The following GRIK2 variants were observed in gnomAD, a reference collection of about 807,000 sequenced individuals.
GRIK2 encodes glutamate receptor ionotropic, kainate 2.
GRIK2 carries 32 observed loss-of-function variants against 100.3 expected under a neutral mutation model. The ratio of observed to expected loss-of-function variants is 0.32; its 90% CI spans 0.24 to 0.43. The LOEUF (loss-of-function observed/expected upper bound fraction) is 0.43. Ranked by LOEUF, GRIK2 falls within the 20% of genes least tolerant of loss-of-function variation. The pLI is 1.00. For synonymous variants in GRIK2, 417 were observed against 389.4 expected (o/e 1.07, Z -0.83); for missense variants, 843 against 1,114.9 (o/e 0.76, Z 3.47).
intron 4 of GRIK2, among the ~76,000 whole-genome samples, chr6:101,661,209 G>A (rs1342591890): frequency 6.6e-6 from 1 of 152,148 alleles, no homozygotes; most frequent in Non-Finnish European, 1.5e-5. Flanking sequence ...TCTGGCCACT[G>A]TGGCTTTGCT....
intron 9 of GRIK2, among the ~76,000 whole-genome samples, chr6:101,805,394 C>T (rs190635614): frequency 1.2e-3 from 184 of 151,596 alleles, no homozygotes; most frequent in Admixed American, 4.0e-3. Flanking sequence ...TAAAAGAACC[C>T]GGAAGTACCA....
rs1775819421 is a variant in GRIK2, at chr6:101,738,446, A to G, written c.951+52093A>G. 1.3e-5 allele frequency among the ~76,000 whole-genome samples: 2 copies of G among 152,158 alleles called. 1 individual carries two copies. Among genetic ancestry groups the G allele is most frequent in the South Asian group, 4.1e-4 (2 of 4,836 alleles). ...ACTTTTGCCTATTTTCAGACTTTGT[A>G]CTTAGATACTATATGCAAATTGCAG... is the stretch of plus-strand genomic sequence containing the variant. On this transcript the variant is annotated intron_variant, in intron 7 of 16. Transcript: ENST00000369134.
At chr6:101,509,308 C>T (rs957016861) in intron 2 of GRIK2, among the ~76,000 whole-genome samples, 1 of 152,028 alleles carries the variant, frequency 6.6e-6, no homozygotes, top group Admixed American at 6.6e-5. Context: ...GGATTTAAGG[C>T]CACTTAAAGA....
intron 2 of GRIK2, among the ~76,000 whole-genome samples, chr6:101,409,106 GTA>G (rs1309582941): frequency 1.2e-4 from 15 of 120,724 alleles, no homozygotes; most frequent in South Asian, 5.4e-4. Flanking sequence ...GAAACATTGT[GTA>G]TGTGTGTGTG....
intron 2 of GRIK2, among the ~76,000 whole-genome samples, chr6:101,551,183 A>AT (rs906356124): frequency 4.6e-5 from 7 of 152,056 alleles, no homozygotes; most frequent in African/African-American, 1.7e-4. Flanking sequence ...AGAATATCAG[A>AT]TTTTTTCTTT....
chr6:101,865,463 A>C (rs1200314142), intron 11 of GRIK2, among the ~76,000 whole-genome samples: 1 of 152,234 alleles, frequency 6.6e-6, no homozygotes, highest in African/African-American at 2.4e-5. Flanking sequence ...ATTATCACAA[A>C]AATGGAAACA....
At chr6:101,797,234 T>C (rs1780363692) in intron 7 of GRIK2, among the ~76,000 whole-genome samples, 1 of 151,944 alleles carries the variant, frequency 6.6e-6, no homozygotes, top group African/African-American at 2.4e-5. Context: ...GTGTTAATCT[T>C]AAAAACTGTG....
intron 2 of GRIK2, among the ~76,000 whole-genome samples, chr6:101,423,612 A>C (rs565985641): frequency 6.6e-6 from 1 of 152,236 alleles, no homozygotes; most frequent in Non-Finnish European, 1.5e-5. Flanking sequence ...TGAAATGTCT[A>C]TTCATGTCTT....
At chr6:101,693,543 C>T (rs998673184) in intron 7 of GRIK2, among the ~76,000 whole-genome samples, 5 of 151,762 alleles carry the variant, frequency 3.3e-5, no homozygotes, top group African/African-American at 1.2e-4. Context: ...GTATGCAGCA[C>T]CTACTCACAC....
intron 12 of GRIK2, among the ~76,000 whole-genome samples, chr6:101,898,728 G>A (rs1037166071): frequency 6.6e-6 from 1 of 151,840 alleles, no homozygotes; most frequent in African/African-American, 2.4e-5. Flanking sequence ...TATTAGCTAC[G>A]TGTATTAAAA....
At chr6:101,811,730 T>C (rs1041974140) in intron 9 of GRIK2, among the ~76,000 whole-genome samples, 5 of 151,788 alleles carry the variant, frequency 3.3e-5, no homozygotes, top group African/African-American at 7.2e-5. Flanking sequence ...CTTTCAGAGG[T>C]TAACAATTAT....
At chr6:101,613,791 G>A (rs994687553) in intron 2 of GRIK2, among the ~76,000 whole-genome samples, 6 of 150,736 alleles carry the variant, frequency 4.0e-5, no homozygotes, top group African/African-American at 1.5e-4. Flanking sequence ...AAAAACGAAA[G>A]GATCAGATTA....
chr6:101,573,114 G>C (rs1275660668), intron 2 of GRIK2, among the ~76,000 whole-genome samples: 1 of 152,004 alleles, frequency 6.6e-6, no homozygotes, highest in Non-Finnish European at 1.5e-5. Flanking sequence ...CCAAAGTGCT[G>C]GAATTACAGG....
intron 7 of GRIK2, among the ~76,000 whole-genome samples, chr6:101,796,451 A>T (rs1780309640): frequency 6.6e-6 from 1 of 152,188 alleles, no homozygotes; most frequent in African/African-American, 2.4e-5. Flanking sequence ...AAGGAAGGAG[A>T]TTTATAGACA....
intron 14 of GRIK2, among the ~76,000 whole-genome samples, chr6:101,975,809 G>GTCTGTCTGTCTATCTA (rs141650149): frequency 1.2e-3 from 171 of 147,514 alleles, no homozygotes; most frequent in African/African-American, 4.2e-3. Flanking sequence ...CTATCTATCT[G>GTCTGTCTGTCTATCTA]TCTATCTATC....
chr6:102,025,966 G>A (rs1429909332), intron 14 of GRIK2, among the ~76,000 whole-genome samples: 6 of 150,638 alleles, frequency 4.0e-5, no homozygotes, highest in African/African-American at 1.5e-4. Context: ...GTTGGTTAAA[G>A]CTCCTACCTC....
chr6:102,067,285 T>G (rs1199770400), intron 16 of GRIK2, among the ~76,000 whole-genome samples: 1 of 151,666 alleles, frequency 6.6e-6, no homozygotes, highest in African/African-American at 2.4e-5. Context: ...TTTTAGCACT[T>G]TTCAATAATA....
chr6:101,431,072 G>A (rs910909274), intron 2 of GRIK2: 1 of 256,650 alleles, frequency 3.9e-6, no homozygotes, highest in Admixed American at 4.0e-5. Flanking sequence ...CATGGCAGGG[G>A]GTATCCAAGG....
chr6:101,902,174 G>C lies in GRIK2; in HGVS notation c.1748+12311G>C, dbSNP rs558020294. 7.0e-4 allele frequency among the ~76,000 whole-genome samples: 107 copies of C among 152,086 alleles called. 1 individual carries two copies. The highest frequency in any genetic ancestry group is 2.7e-3 in the East Asian group (14 of 5,168). On this transcript the variant is annotated intron_variant, in intron 12 of 16. Coordinates refer to ENST00000369134, the MANE Select transcript of GRIK2 (RefSeq NM_021956.5). ...ATAACAAATATCAAACTACCAATGG[G>C]AGGGTCACCGAATACAGATTTGGGA...
Sources: gnomAD v4.1 joint callset for allele counts (sites outside exome capture counted in the v4.1 genomes callset) on GRCh38, gnomAD v4.1.1 for gene constraint, MANE v1.5 for transcripts, NCBI Gene and HGNC (gene_info 2026-07-23, HGNC 2026-07-21) for gene names.